The following SCUBE1 variants were observed in gnomAD, a reference collection of about 807,000 sequenced individuals.
SCUBE1 encodes the protein signal peptide, CUB and EGF-like domain-containing protein 1.
SCUBE1 carries 59 observed loss-of-function variants against 124.4 expected under a neutral mutation model. That is an observed-to-expected ratio of 0.47 (90% CI 0.38 to 0.59). SCUBE1 has a LOEUF of 0.59. Ranked by LOEUF, SCUBE1 falls within the 20% of genes least tolerant of loss-of-function variation. SCUBE1 has a pLI of 0.00. For missense variants in SCUBE1, 1,150 were observed against 1,371.2 expected (o/e 0.84, Z 2.55); for synonymous variants, 545 against 550.9 (o/e 0.99, Z 0.15).
chr22:43,333,321 C>T (rs184422375), intron 2 of SCUBE1, among the ~76,000 whole-genome samples: 16 of 152,340 alleles, frequency 1.1e-4, no homozygotes, highest in Middle Eastern at 3.4e-3. Flanking sequence ...AGCCCTCTAC[C>T]GGCATTAGGC....
intron 1 of SCUBE1, among the ~76,000 whole-genome samples, chr22:43,342,607 C>G (rs1215169836): frequency 6.6e-6 from 1 of 152,012 alleles, no homozygotes; most frequent in Admixed American, 6.5e-5. Context: ...TCCCCCTGAT[C>G]CACCGGCCTC....
chr22:43,220,308 C>G, intron 14 of SCUBE1, 142 bp downstream of exon 14: 2 of 953,586 alleles, frequency 2.1e-6, no homozygotes, highest in Non-Finnish European at 3.1e-6. Context: ...CTGCCTCTGT[C>G]TCCAGAAGCT....
chr22:43,273,580 T>TC (rs1231037564), intron 4 of SCUBE1, among the ~76,000 whole-genome samples: 1 of 140,190 alleles, frequency 7.1e-6, no homozygotes, highest in Non-Finnish European at 1.6e-5. Flanking sequence ...TTTTTTTTTT[T>TC]TTTTTGAGAC....
chr22:43,221,062 AC>A, intron 13 of SCUBE1, 110 bp downstream of exon 13: 1 of 703,896 alleles, frequency 1.4e-6, no homozygotes, highest in Non-Finnish European at 2.4e-6. Context: ...GGTGAGAGAG[AC>A]CTCCACCCTT....
chr22:43,314,217 T>C (rs1260088754), intron 3 of SCUBE1, among the ~76,000 whole-genome samples: 2 of 152,142 alleles, frequency 1.3e-5, no homozygotes, highest in Admixed American at 6.5e-5. Context: ...GGAAGCTTTG[T>C]CAGGCAGCAC....
chr22:43,317,873 G>A (rs1356485024), intron 3 of SCUBE1, among the ~76,000 whole-genome samples: 3 of 152,172 alleles, frequency 2.0e-5, no homozygotes, highest in East Asian at 1.9e-4. Context: ...AATGCAACAC[G>A]ACTGGTGTCC....
Position 43,197,686 on chromosome 22 carries a change from C to G in SCUBE1, c.*6311G>C. On this transcript the variant is annotated 3_prime_UTR_variant, in exon 22 of 22. Transcript: ENST00000360835. ...TACTTGCATCTCTGCAGGGCTGTGC[C>G]GGGGCCTCCCCAAGAGCAGTGGGGA... 1 of 152,434 alleles carries G rather than the reference C, an allele frequency of 6.6e-6. No homozygotes were observed. Among genetic ancestry groups the G allele is most frequent in the South Asian group, 2.1e-4 (1 of 4,820 alleles). 9.4% of individuals were successfully genotyped at this position (152,434 alleles called of 1,614,324 possible). A position where few individuals can be genotyped will look rare whatever the true frequency, so the allele number is the denominator to read the frequency against.
chr22:43,217,399 G>A (rs1921878059), intron 15 of SCUBE1, among the ~76,000 whole-genome samples: 1 of 150,806 alleles, frequency 6.6e-6, no homozygotes, highest in South Asian at 2.1e-4. Context: ...TTTGGCCGGC[G>A]TCAGGAAGCG....
At chr22:43,204,189 G>A in intron 21 of SCUBE1, 40 bp from the exon 22 acceptor site, 2 of 1,604,114 alleles carry the variant, frequency 1.2e-6, no homozygotes, top group East Asian at 4.5e-5. Context: ...GAGGCTTGGG[G>A]CCTGTAGGGT....
chr22:43,343,330 G>T lies in SCUBE1; in HGVS notation c.-69C>A, dbSNP rs1464234811. The T allele has an allele frequency of 6.6e-6, 5 of 758,034 alleles. No homozygotes were observed. Among genetic ancestry groups the T allele is most frequent in the Admixed American group, 1.1e-4 (2 of 17,820 alleles). The allele number at this position is 758,034 out of a possible 1,614,324, so 47.0% of individuals were successfully genotyped here. On this transcript the variant is annotated 5_prime_UTR_variant, in exon 1 of 22. Coordinates refer to ENST00000360835, the MANE Select transcript of SCUBE1 (RefSeq NM_173050.5). ...GGGACCCGACCGACCGGCCGCTCCC[G>T]CAGGCGCTGCTCGCTGCTCGCCGCT...
Position 43,295,564 on chromosome 22 carries a change from T to A in SCUBE1, c.350-4384A>T, listed in dbSNP as rs1028938317. 3.9e-5 allele frequency among the ~76,000 whole-genome samples: 6 copies of A among 152,194 alleles called. 1 individual carries two copies. The highest frequency in any genetic ancestry group is 7.2e-5 in the African/African-American group (3 of 41,440). On this transcript the variant is annotated intron_variant, in intron 3 of 21. Transcript: ENST00000360835. ...TATTCCCACTGGGCACGAGGGGGGC[T>A]TCAGCTGTGAGTGGGCTCTCATAGC...
chr22:43,248,008 T>C (rs1923285616), intron 6 of SCUBE1, among the ~76,000 whole-genome samples: 1 of 152,004 alleles, frequency 6.6e-6, no homozygotes, highest in Non-Finnish European at 1.5e-5. Flanking sequence ...CCAAGAAACC[T>C]AGGGGAGGAT....
intron 6 of SCUBE1, among the ~76,000 whole-genome samples, chr22:43,239,549 C>G (rs535263471): frequency 1.3e-5 from 2 of 152,384 alleles, no homozygotes; most frequent in South Asian, 4.1e-4. Flanking sequence ...TGAAGCTTGT[C>G]TAGTGCTTTT....
At chr22:43,241,377 T>C (rs986139463) in intron 6 of SCUBE1, among the ~76,000 whole-genome samples, 1 of 152,044 alleles carries the variant, frequency 6.6e-6, no homozygotes, top group Non-Finnish European at 1.5e-5. Context: ...TGCCCTCCTC[T>C]TCCCTGAAGA....
At chr22:43,219,480 C>CT (rs139001) in intron 14 of SCUBE1, among the ~76,000 whole-genome samples, 301 of 144,700 alleles carry the variant, frequency 2.1e-3, no homozygotes, top group East Asian at 2.6e-3. Flanking sequence ...AAAACATTTC[C>CT]TTTTTTTTTT....
chr22:43,258,431 A>G lies in SCUBE1; in HGVS notation c.611-96T>C. 1 of 885,200 alleles carries G rather than the reference A, an allele frequency of 1.1e-6. No individual in the cohort carries two copies. The highest frequency in any genetic ancestry group is 2.4e-5 in the East Asian group (1 of 41,304). 54.8% of individuals were successfully genotyped at this position (885,200 alleles called of 1,614,324 possible). ...GCGGCTGCCTTCAGGGTATGGGGAA[A>G]CTGAGGCCTAAGGGCATCAGTGGGT... On this transcript the variant is annotated intron_variant, in intron 5 of 21. Transcript: ENST00000360835. The surrounding 1 kb of genome is among the most constrained non-coding windows in gnomAD (Gnocchi z 5.0).
intron 1 of SCUBE1, among the ~76,000 whole-genome samples, chr22:43,340,143 T>C (rs1183808693): frequency 2.0e-5 from 3 of 151,784 alleles, no homozygotes; most frequent in Non-Finnish European, 4.4e-5. Context: ...GCCCCTAGCC[T>C]GTGGAAACAC....
At chr22:43,271,086 A>G (rs1001371263) in intron 4 of SCUBE1, among the ~76,000 whole-genome samples, 1 of 152,120 alleles carries the variant, frequency 6.6e-6, no homozygotes, top group Non-Finnish European at 1.5e-5. Context: ...CCTCCTCTGA[A>G]TGGCAACTTC....
chr22:43,343,186 T>C lies in SCUBE1; in HGVS notation c.76A>G (p.Ser26Gly). 2 of 1,180,702 alleles carry C rather than the reference T, an allele frequency of 1.7e-6. No individual in the cohort carries two copies. The highest frequency in any genetic ancestry group is 2.1e-6 in the Non-Finnish European group (2 of 955,364). The allele number at this position is 1,180,702 out of a possible 1,614,324, so 73.1% of individuals were successfully genotyped here. A position where few individuals can be genotyped will look rare whatever the true frequency, so the allele number is the denominator to read the frequency against. The change falls in exon 1 of 22, where the codon AGC becomes GGC. Residue 26 changes from serine to glycine, a missense_variant. By Grantham distance (56) the Ser-to-Gly change is moderately conservative. Transcript: ENST00000360835. ...LGTRGRLAGG[S>G]GLPGSVDVDE... ...GTCGGGGGCTTACCTGGGAGCCCGCTGCCCCCGGCCAGCCGCCCGCGTGTG... is the reference window on the plus strand; with the variant it reads ...GTCGGGGGCTTACCTGGGAGCCCGCCGCCCCCGGCCAGCCGCCCGCGTGTG...
Sources: gnomAD v4.1 joint callset for allele counts (sites outside exome capture counted in the v4.1 genomes callset) on GRCh38, gnomAD v4.1.1 for gene constraint, Gnocchi (gnomAD v3.1) non-coding constraint, MANE v1.5 for transcripts, NCBI Gene and HGNC (gene_info 2026-07-23, HGNC 2026-07-21) for gene names.